The following CDH23 variants were observed in gnomAD, a reference collection of about 807,000 sequenced individuals.
CDH23 encodes cadherin related 23, also known as cadherin-23.
A neutral mutation model predicts 317.1 loss-of-function variants in CDH23; 189 were observed. The observed-to-expected ratio is 0.60, with a 90% confidence interval of 0.53 to 0.67. The LOEUF is 0.67. CDH23 is among the 30% of genes least tolerant of loss of function. The pLI is 0.00. For synonymous variants in CDH23, 1,839 were observed against 1,876.8 expected (o/e 0.98, Z 0.52); for missense variants, 4,401 against 4,592.4 (o/e 0.96, Z 1.20).
At chr10:71,481,305 A>C (rs1010793649) in intron 3 of CDH23, among the ~76,000 whole-genome samples, 1 of 152,188 alleles carries the variant, frequency 6.6e-6, no homozygotes, top group African/African-American at 2.4e-5. Flanking sequence ...AGCCAGGATG[A>C]GCGAAGGGGT....
intron 3 of CDH23, among the ~76,000 whole-genome samples, chr10:71,452,882 C>A (rs907076599): frequency 6.6e-6 from 1 of 152,174 alleles, no homozygotes; most frequent in Non-Finnish European, 1.5e-5. Context: ...GGAGAGATGG[C>A]ATGATCTGCA....
intron 29 of CDH23, 30 bp from the exon 30 acceptor site, chr10:71,725,342 G>A (rs1165940061): frequency 1.2e-6 from 2 of 1,613,902 alleles, no homozygotes; most frequent in Non-Finnish European, 8.5e-7. Context: ...GGCAGGGCCG[G>A]TGTTCCAGGG....
rs373463967 is a variant in CDH23 at position 71,805,797 on chromosome 10, T to A, written c.7873-9T>A. The A allele has an allele frequency of 1.3e-5, 21 of 1,606,540 alleles. No individual in the cohort carries two copies. The highest frequency in any genetic ancestry group is 1.4e-5 in the Non-Finnish European group (17 of 1,175,480). ...GGTCCAGGAGCCTTCCTCCCCATGC[T>A]CCCCACAGGAGATCCCGCTGCGCTC... On this transcript the variant is annotated splice_polypyrimidine_tract_variant and intron_variant, in intron 55 of 69. Transcript: ENST00000224721.
At chr10:71,755,907 G>C (rs1840130523) in intron 38 of CDH23, among the ~76,000 whole-genome samples, 1 of 152,202 alleles carries the variant, frequency 6.6e-6, no homozygotes, top group Non-Finnish European at 1.5e-5. Context: ...GTTGCACATT[G>C]TGAATGTAAT....
At chr10:71,706,126 A>G (rs562071852) in intron 25 of CDH23, among the ~76,000 whole-genome samples, 2 of 152,282 alleles carry the variant, frequency 1.3e-5, no homozygotes, top group East Asian at 1.9e-4. Context: ...ATAACATCAA[A>G]TGGGCCCAGG....
chr10:71,591,155 G>A (rs1184425812), intron 9 of CDH23, among the ~76,000 whole-genome samples: 2 of 152,146 alleles, frequency 1.3e-5, no homozygotes, highest in African/African-American at 2.4e-5. Flanking sequence ...TAAGTTCCTG[G>A]GGGAGATCAG....
intron 22 of CDH23, 63 bp downstream of exon 22, chr10:71,695,588 A>C: frequency 1.2e-5 from 14 of 1,155,988 alleles, no homozygotes; most frequent in Non-Finnish European, 1.7e-5. Context: ...TGCCCCTCCC[A>C]CTGCGATTCC....
chr10:71,598,004 G>C (rs1859971227), intron 9 of CDH23, among the ~76,000 whole-genome samples: 1 of 152,222 alleles, frequency 6.6e-6, no homozygotes, highest in African/African-American at 2.4e-5. Context: ...GTGTGGCAAT[G>C]TGTAGGCAGG....
chr10:71,796,879 TAACTTCCCC>T (rs1841418238), intron 48 of CDH23: 2 of 466,452 alleles, frequency 4.3e-6, no homozygotes, highest in Admixed American at 6.7e-5. Flanking sequence ...AGAGGTGACA[TAACTTCCCC>T]AACATCACCT....
intron 1 of CDH23, among the ~76,000 whole-genome samples, chr10:71,433,094 C>T (rs1289925657): frequency 6.6e-6 from 1 of 152,132 alleles, no homozygotes; most frequent in Admixed American, 6.5e-5. Context: ...AGAAGATAGG[C>T]GGAATGCAGA....
chr10:71,597,358 G>A (rs1349980857), intron 9 of CDH23, among the ~76,000 whole-genome samples: 2 of 152,250 alleles, frequency 1.3e-5, no homozygotes, highest in East Asian at 3.9e-4. Flanking sequence ...CAAGCCCCAA[G>A]ATGAGAAAGC....
At position 71,470,462 on chromosome 10, in the gene CDH23, T is replaced by A. The variant is rs75498280; in HGVS notation, c.145+24067T>A. On this transcript the variant is annotated intron_variant, in intron 3 of 69. Coordinates refer to ENST00000224721, the MANE Select transcript of CDH23 (RefSeq NM_022124.6). ...CTCATTCTCCCTTCCTCCTACCCCC[T>A]AGCAATGTCCACTATGGGACGTATT... 1.4e-3 allele frequency among the ~76,000 whole-genome samples: 212 copies of A among 152,090 alleles called. 5 individuals are homozygous for A. The East Asian group carries it at 0.038, about 27-fold the overall frequency.
chr10:71,493,190 GT>G (rs1358418934), intron 3 of CDH23, among the ~76,000 whole-genome samples: 5 of 152,194 alleles, frequency 3.3e-5, no homozygotes, highest in Admixed American at 3.3e-4. Context: ...CATATTTCAA[GT>G]TATTATGATT....
chr10:71,809,866 C>T lies in CDH23; in HGVS notation c.8769C>T (p.Tyr2923=), dbSNP rs1360904694. ...GCACCTTCGACCTCTTCATGGCCTA[C>T]AGCCCCGGCTACTTCGTGGTGGACA... ...ILRTFDLFMA[Y]SPGYFVVDIV... Residue 2923 remains tyrosine, a synonymous_variant, in exon 61 of 70, where the codon TAC becomes TAT. Transcript: ENST00000224721. 9 of 1,613,468 alleles carry T rather than the reference C, an allele frequency of 5.6e-6. No individual in the cohort carries two copies. The highest frequency in any genetic ancestry group is 1.1e-5 in the South Asian group (1 of 91,080).
chr10:71,549,462 C>G (rs1300310494), intron 6 of CDH23, among the ~76,000 whole-genome samples: 1 of 152,244 alleles, frequency 6.6e-6, no homozygotes, highest in Non-Finnish European at 1.5e-5. Context: ...TGCTCTGGGG[C>G]ATCCCTGTCA....
At chr10:71,478,091 T>C (rs1851884586) in intron 3 of CDH23, among the ~76,000 whole-genome samples, 1 of 152,220 alleles carries the variant, frequency 6.6e-6, no homozygotes, top group Non-Finnish European at 1.5e-5. Context: ...TCAGTGTCTG[T>C]CCACACAAAT....
chr10:71,446,184 A>G, intron 2 of CDH23, 134 bp from the exon 3 acceptor site: 1 of 813,842 alleles, frequency 1.2e-6, no homozygotes, highest in East Asian at 2.6e-5. Context: ...AGTGACTTCC[A>G]GGGTCCTGGG....
intron 14 of CDH23, among the ~76,000 whole-genome samples, chr10:71,659,520 C>T (rs1291903713): frequency 6.6e-6 from 1 of 152,166 alleles, no homozygotes. Flanking sequence ...AGCTGTGGTT[C>T]CTACCAGCTT....
intron 9 of CDH23, among the ~76,000 whole-genome samples, chr10:71,603,856 G>A (rs1171208423): frequency 1.3e-5 from 2 of 152,194 alleles, no homozygotes; most frequent in African/African-American, 2.4e-5. Flanking sequence ...CTGATAAATG[G>A]GTAGCAGTGC....
Sources: allele counts gnomAD v4.1 joint callset (sites outside exome capture counted in the v4.1 genomes callset), GRCh38; gene constraint gnomAD v4.1.1; transcripts MANE v1.5; gene names NCBI Gene and HGNC (gene_info 2026-07-23, HGNC 2026-07-21).